DNMBP: variants seen among roughly 807,000 people sequenced by gnomAD.
DNMBP encodes dynamin binding protein.
In DNMBP, 87 loss-of-function variants were observed where a neutral mutation model predicts 150.0. That is an observed-to-expected ratio of 0.58 (90% CI 0.49 to 0.69). DNMBP has a LOEUF of 0.69. Among genes scored for constraint, DNMBP ranks in the 30% least tolerant of loss-of-function variants. The probability of loss-of-function intolerance (pLI) is 0.00; values close to 1 mark genes in which losing one functional copy is unlikely to be tolerated. For missense variants in DNMBP, 1,774 were observed against 1,949.0 expected (o/e 0.91, Z 1.69); for synonymous variants, 711 against 750.4 (o/e 0.95, Z 0.86).
At chr10:99,915,332 TG>T (rs547577474) in intron 4 of DNMBP, among the ~76,000 whole-genome samples, 67 of 151,014 alleles carry the variant, frequency 4.4e-4, no homozygotes, top group Admixed American at 1.5e-3. Flanking sequence ...ACCTAGGATT[TG>T]GGGGAGAAGT....
intron 4 of DNMBP, among the ~76,000 whole-genome samples, chr10:99,917,968 C>CAAAAAAAAAAA (rs749252887): frequency 2.3e-4 from 12 of 52,188 alleles, no homozygotes; most frequent in African/African-American, 3.4e-4. Context: ...GACTCTGTCT[C>CAAAAAAAAAAA]AAAAAAAAAA....
At position 99,956,069 on chromosome 10, in the gene DNMBP, T is replaced by C. The variant is rs771183621; in HGVS notation, c.1405A>G (p.Lys469Glu). 6.2e-7 allele frequency: 1 copy of C among 1,614,086 alleles called. No individual in the cohort carries two copies. Among genetic ancestry groups the C allele is most frequent in the East Asian group, 2.2e-5 (1 of 44,900 alleles). Residue 469 changes from lysine (K) to glutamate (E), a missense_variant, in exon 4 of 17, where the codon AAA becomes GAA. By Grantham distance (56) the Lys-to-Glu change is moderately conservative. Transcript: ENST00000324109. Reference protein sequence around the residue: ...LPPKRMYSQLKTLQKPVLPLY... With the variant: ...LPPKRMYSQLETLQKPVLPLY... Reference sequence around the variant, plus strand: ...GGGAGCACTGGCTTCTGAAGAGTTTTTAGCTGGGAATACATTCTTTTGGGA... The same window carrying C: ...GGGAGCACTGGCTTCTGAAGAGTTTCTAGCTGGGAATACATTCTTTTGGGA...
intron 1 of DNMBP, among the ~76,000 whole-genome samples, chr10:100,006,605 T>C (rs57256140): frequency 0.09 from 13,699 of 151,980 alleles, 681 homozygotes; most frequent in Middle Eastern, 0.23. Flanking sequence ...CCTCACTCAG[T>C]GTAAAGGCCA....
At chr10:99,895,743 A>G (rs2039643160) in intron 10 of DNMBP, among the ~76,000 whole-genome samples, 2 of 152,164 alleles carry the variant, frequency 1.3e-5, no homozygotes, top group Admixed American at 1.3e-4. Flanking sequence ...CTCTCACTGA[A>G]CTGTTTTTCT....
At chr10:99,969,049 G>T (rs943999889) in intron 3 of DNMBP, 66 bp downstream of exon 3, 2 of 1,592,568 alleles carry the variant, frequency 1.3e-6, no homozygotes, top group Non-Finnish European at 1.7e-6. Flanking sequence ...AAAGGATCTG[G>T]TTGTCGAAAC....
intron 3 of DNMBP, among the ~76,000 whole-genome samples, chr10:99,964,885 A>ATATATAT (rs1313725020): frequency 7.4e-6 from 1 of 135,968 alleles, no homozygotes; most frequent in Non-Finnish European, 1.6e-5. Flanking sequence ...AAAAAAAAAA[A>ATATATAT]ATATATATAT....
chr10:99,995,025 G>C (rs2133381617), intron 1 of DNMBP, among the ~76,000 whole-genome samples: 1 of 152,008 alleles, frequency 6.6e-6, no homozygotes, highest in South Asian at 2.1e-4. Context: ...CAAGCAGCTG[G>C]GCATGCGCCA....
chr10:99,919,175 C>G (rs1402893863), intron 4 of DNMBP, among the ~76,000 whole-genome samples: 1 of 152,160 alleles, frequency 6.6e-6, no homozygotes, highest in Non-Finnish European at 1.5e-5. Flanking sequence ...GCTCATAAAG[C>G]AGCATATTCA....
intron 4 of DNMBP, among the ~76,000 whole-genome samples, chr10:99,954,159 A>G (rs1431956233): frequency 3.3e-5 from 5 of 151,900 alleles, no homozygotes; most frequent in Non-Finnish European, 4.4e-5. Flanking sequence ...CAGCCTCCCG[A>G]GTAGCTGGGA....
Position 99,955,376 on chromosome 10 carries a change from C to T in DNMBP, c.2098G>A (p.Glu700Lys), listed in dbSNP as rs2040473026. 6.2e-7 allele frequency: 1 copy of T among 1,614,080 alleles called. No homozygotes were observed. Among genetic ancestry groups the T allele is most frequent in the African/African-American group, 1.3e-5 (1 of 74,932 alleles). Residue 700 changes from glutamate (E) to lysine (K), a missense_variant, in exon 4 of 17, where the codon GAA (glutamate) becomes AAA (lysine). Physicochemically the swap from Glu to Lys is moderately conservative, Grantham distance 56. This residue lies in a region of DNMBP where 1,430 missense variants were observed against 1,492.5 expected (regional missense o/e 0.96). Coordinates refer to ENST00000324109, the MANE Select transcript of DNMBP (RefSeq NM_015221.4). ...TACATATCCAAGTCCCGCTCCATTTCCTCAATCCTCACCAGCACTAAGGGG... is the reference window on the plus strand; with the variant it reads ...TACATATCCAAGTCCCGCTCCATTTTCTCAATCCTCACCAGCACTAAGGGG... ...PCPLVLVRIEEMERDLDMYSR... is the reference protein window; with the variant it reads ...PCPLVLVRIEKMERDLDMYSR...
chr10:99,958,076 C>T (rs112622725), intron 3 of DNMBP: 9,411 of 152,194 alleles, frequency 0.062, 394 homozygotes, highest in African/African-American at 0.11. Flanking sequence ...CGCAGTGAGC[C>T]GAGATCGCAC....
chr10:99,964,430 C>T (rs577909950), intron 3 of DNMBP, among the ~76,000 whole-genome samples: 2 of 151,494 alleles, frequency 1.3e-5, no homozygotes, highest in South Asian at 4.2e-4. Context: ...CCTCCTTGCA[C>T]TAATCTCTTA....
intron 4 of DNMBP, among the ~76,000 whole-genome samples, chr10:99,944,254 GT>G (rs143301201): frequency 0.044 from 6,706 of 152,214 alleles, 163 homozygotes; most frequent in South Asian, 0.083. Flanking sequence ...ATATGACTAT[GT>G]TTTTTTAAAT....
chr10:99,883,893 T>G, intron 15 of DNMBP, 118 bp downstream of exon 15: 1 of 832,336 alleles, frequency 1.2e-6, no homozygotes, highest in Non-Finnish European at 1.9e-6. Context: ...CAGGTTATTT[T>G]TCCCCTTAAT....
At chr10:99,954,744 CAA>C (rs751589220) in intron 4 of DNMBP, among the ~76,000 whole-genome samples, 8 of 48,834 alleles carry the variant, frequency 1.6e-4, no homozygotes, top group African/African-American at 3.1e-4. Flanking sequence ...AACTCTGTCT[CAA>C]AAAAAAAAAA....
At chr10:99,904,767 G>C (rs944783144) in intron 6 of DNMBP, among the ~76,000 whole-genome samples, 5 of 152,148 alleles carry the variant, frequency 3.3e-5, no homozygotes, top group African/African-American at 1.2e-4. Context: ...GACAAGAAGC[G>C]AAGGGAAGAA....
intron 15 of DNMBP, among the ~76,000 whole-genome samples, chr10:99,882,915 C>T (rs2255562): frequency 0.13 from 20,052 of 151,924 alleles, 1,951 homozygotes; most frequent in African/African-American, 0.27. Context: ...AAAATACAAA[C>T]AGTTAGCCAG....
At chr10:99,921,963 G>T (rs921522410) in intron 4 of DNMBP, among the ~76,000 whole-genome samples, 5 of 146,522 alleles carry the variant, frequency 3.4e-5, no homozygotes, top group Non-Finnish European at 1.5e-5. Context: ...TGGATTCAAT[G>T]AAATGCAATA....
At chr10:99,942,921 T>C (rs76748486) in intron 4 of DNMBP, among the ~76,000 whole-genome samples, 2,543 of 152,302 alleles carry the variant, frequency 0.017, 38 homozygotes, top group African/African-American at 0.037. Flanking sequence ...CTTGCTTTTT[T>C]CCTACATACT....
Sources: gnomAD v4.1 joint callset for allele counts (sites outside exome capture counted in the v4.1 genomes callset) on GRCh38, gnomAD v4.1.1 for gene constraint, gnomAD v4.1.1 regional missense constraint, MANE v1.5 for transcripts, NCBI Gene and HGNC (gene_info 2026-07-23, HGNC 2026-07-21) for gene names.